Variants in RARB observed in about 807,000 individuals in gnomAD.
The protein encoded by RARB is retinoic acid receptor beta, also known as HBV-activated protein.
A neutral mutation model predicts 51.9 loss-of-function variants in RARB; 17 were observed. The observed-to-expected ratio is 0.33, with a 90% CI of 0.22 to 0.49. The LOEUF (loss-of-function observed/expected upper bound fraction) is 0.49. RARB is among the 20% of genes least tolerant of loss of function. The pLI, the probability that RARB is intolerant of heterozygous loss-of-function variation, is 0.99. For synonymous variants in RARB, 215 were observed against 195.4 expected (o/e 1.10, Z -0.84); for missense variants, 369 against 550.8 (o/e 0.67, Z 3.30).
intron 4 of RARB, among the ~76,000 whole-genome samples, chr3:25,133,984 C>T (rs1213626640): frequency 7.5e-6 from 1 of 132,722 alleles, no homozygotes; most frequent in Admixed American, 7.4e-5. Flanking sequence ...AAAAAAAAGA[C>T]ATTTGCCATG....
chr3:25,136,154 C>T (rs2125335153), intron 4 of RARB, among the ~76,000 whole-genome samples: 1 of 151,978 alleles, frequency 6.6e-6, no homozygotes, highest in East Asian at 1.9e-4. Context: ...CCATTGATCC[C>T]TCAATATGCC....
intron 2 of RARB, among the ~76,000 whole-genome samples, chr3:24,938,347 T>C (rs542848200): frequency 6.6e-6 from 1 of 152,316 alleles, no homozygotes; most frequent in Non-Finnish European, 1.5e-5. Flanking sequence ...AACCGTATGT[T>C]TCCTTTCAGA....
intron 2 of RARB, among the ~76,000 whole-genome samples, chr3:24,884,301 G>T (rs1272589652): frequency 6.6e-6 from 1 of 152,104 alleles, no homozygotes; most frequent in African/African-American, 2.4e-5. Context: ...GAAGGGCAAT[G>T]TCATATTATC....
At chr3:25,356,095 T>C (rs1322250459) in intron 5 of RARB, among the ~76,000 whole-genome samples, 1 of 152,178 alleles carries the variant, frequency 6.6e-6, no homozygotes, top group Non-Finnish European at 1.5e-5. Context: ...CTTGCTGGTA[T>C]TCTGATTACA....
At chr3:25,278,948 C>A (rs999863665) in intron 5 of RARB, among the ~76,000 whole-genome samples, 4 of 152,082 alleles carry the variant, frequency 2.6e-5, no homozygotes, top group Non-Finnish European at 4.4e-5. Flanking sequence ...AGCACAGCAC[C>A]AACATATTTA....
Position 25,134,332 on chromosome 3 carries a change from T to C in RARB, c.-280+2124T>C, listed in dbSNP as rs181803948. Among the ~76,000 whole-genome samples, 585 of 152,110 alleles carry C rather than the reference T, an allele frequency of 3.8e-3. 9 individuals are homozygous for C. Among genetic ancestry groups the C allele is most frequent in the Non-Finnish European group, 1.3e-3 (87 of 67,924 alleles). ...CATAGGATATAGGAGGCTGAAATAG[T>C]GAAGACACAGGTTCTAGAGCCAGCT... On this transcript the variant is annotated intron_variant, in intron 4 of 11. Transcript: ENST00000383772.
chr3:25,316,424 T>C (rs1248027998), intron 5 of RARB, among the ~76,000 whole-genome samples: 1 of 152,132 alleles, frequency 6.6e-6, no homozygotes, highest in Non-Finnish European at 1.5e-5. Context: ...TGTAAATATT[T>C]TAAGCCAAGT....
chr3:24,957,329 A>G (rs1696038627), intron 2 of RARB, among the ~76,000 whole-genome samples: 1 of 152,220 alleles, frequency 6.6e-6, no homozygotes, highest in African/African-American at 2.4e-5. Flanking sequence ...TAGGAAATGT[A>G]AAACCAGACC....
At position 25,193,729 on chromosome 3, in the gene RARB, T is replaced by G. The variant is rs142294244; in HGVS notation, c.178+19154T>G. Reference sequence around the variant, plus strand: ...CATTCTAATTTTTTTCTATTGTGTATGTAGATTGTTGTTTTTCAGAGAAAG... The same window carrying G: ...CATTCTAATTTTTTTCTATTGTGTAGGTAGATTGTTGTTTTTCAGAGAAAG... On this transcript the variant is annotated intron_variant, in intron 5 of 11. Transcript: ENST00000383772. Among the ~76,000 whole-genome samples, 449 of 152,102 alleles carry G rather than the reference T, an allele frequency of 3.0e-3. 5 individuals carry two copies. Among genetic ancestry groups the G allele is most frequent in the South Asian group, 0.016 (75 of 4,824 alleles).
At chr3:25,182,773 A>G (rs1223336854) in intron 5 of RARB, among the ~76,000 whole-genome samples, 1 of 152,160 alleles carries the variant, frequency 6.6e-6, no homozygotes, top group Non-Finnish European at 1.5e-5. Context: ...TGAAGCCTTT[A>G]CCCCCAGTAC....
At chr3:25,336,772 G>C (rs538272706) in intron 5 of RARB, among the ~76,000 whole-genome samples, 2 of 152,262 alleles carry the variant, frequency 1.3e-5, no homozygotes, top group Admixed American at 1.3e-4. Flanking sequence ...GCAATACCGG[G>C]AGAATTGGGG....
At chr3:25,090,336 G>A (rs10212193) in intron 3 of RARB, among the ~76,000 whole-genome samples, 23,163 of 151,998 alleles carry the variant, frequency 0.15, 1,872 homozygotes, top group Middle Eastern at 0.18. Flanking sequence ...TCTGGTGTTC[G>A]TTCTTTTTTC....
At chr3:24,843,900 T>TACAC (rs71057685) in intron 1 of RARB, among the ~76,000 whole-genome samples, 7,901 of 145,180 alleles carry the variant, frequency 0.054, 260 homozygotes, top group African/African-American at 0.1. Flanking sequence ...GATTTGAGGG[T>TACAC]ACACACACAC....
At chr3:24,984,975 T>C (rs1189842786) in intron 2 of RARB, among the ~76,000 whole-genome samples, 1 of 152,238 alleles carries the variant, frequency 6.6e-6, no homozygotes, top group Non-Finnish European at 1.5e-5. Flanking sequence ...AGCTCAGTTT[T>C]TTCGACTGGA....
intron 2 of RARB, among the ~76,000 whole-genome samples, chr3:25,057,591 G>A (rs978167257): frequency 2.0e-5 from 3 of 151,986 alleles, no homozygotes; most frequent in Non-Finnish European, 4.4e-5. Context: ...ACTTGGCATA[G>A]GAAAGACTTA....
intron 3 of RARB, among the ~76,000 whole-genome samples, chr3:25,517,432 A>G (rs1227599041): frequency 1.3e-5 from 2 of 152,212 alleles, no homozygotes; most frequent in African/African-American, 2.4e-5. Context: ...GCAGGTCAAA[A>G]CCATGATGAG....
chr3:25,498,868 A>G (rs1277215922), intron 2 of RARB, among the ~76,000 whole-genome samples: 1 of 152,190 alleles, frequency 6.6e-6, no homozygotes, highest in Non-Finnish European at 1.5e-5. Flanking sequence ...AGTGGCCCAC[A>G]GTTATATTTT....
chr3:24,906,012 G>T (rs1002181492), intron 2 of RARB, among the ~76,000 whole-genome samples: 1 of 152,112 alleles, frequency 6.6e-6, no homozygotes, highest in Non-Finnish European at 1.5e-5. Context: ...GCATAGGTAA[G>T]ATAAGACCTG....
chr3:25,029,727 T>C (rs904010829), intron 2 of RARB, among the ~76,000 whole-genome samples: 3 of 152,208 alleles, frequency 2.0e-5, no homozygotes, highest in Non-Finnish European at 2.9e-5. Flanking sequence ...CATAAAGTAG[T>C]GAATAAGTCA....
Sources: gnomAD v4.1 joint callset for allele counts (sites outside exome capture counted in the v4.1 genomes callset) on GRCh38, gnomAD v4.1.1 for gene constraint, MANE v1.5 for transcripts, NCBI Gene and HGNC (gene_info 2026-07-23, HGNC 2026-07-21) for gene names.